Variants in JAK2 observed in about 807,000 individuals in gnomAD.
The protein encoded by JAK2 is Janus kinase 2.
JAK2 carries 86 observed loss-of-function variants against 139.3 expected under a neutral mutation model. The ratio of observed to expected loss-of-function variants is 0.62; its 90% confidence interval spans 0.52 to 0.74. The LOEUF (loss-of-function observed/expected upper bound fraction) is 0.74. Among genes scored for constraint, JAK2 ranks in the 30% least tolerant of loss-of-function variants. The pLI is 0.00. For synonymous variants in JAK2, 490 were observed against 437.7 expected (o/e 1.12, Z -1.49); for missense variants, 1,421 against 1,360.3 (o/e 1.04, Z -0.70).
chr9:5,094,676 AAG>A (rs1356744885), intron 22 of JAK2: 1 of 152,166 alleles, frequency 6.6e-6, no homozygotes, highest in African/African-American at 2.4e-5. Flanking sequence ...ACTTAACAGA[AAG>A]AGAATCAGAA....
chr9:5,079,856 G>A (rs1819563483), intron 16 of JAK2, among the ~76,000 whole-genome samples: 1 of 151,866 alleles, frequency 6.6e-6, no homozygotes. Flanking sequence ...TAAAACTAAT[G>A]GAAAGAGGTT....
chr9:5,045,441 C>G (rs962527556), intron 5 of JAK2, among the ~76,000 whole-genome samples: 75 of 152,228 alleles, frequency 4.9e-4, no homozygotes, highest in African/African-American at 1.6e-3. Context: ...ACCATTTTAA[C>G]CATTTTAAGT....
chr9:5,112,839 G>A, intron 22 of JAK2: 2 of 559,056 alleles, frequency 3.6e-6, no homozygotes, highest in Non-Finnish European at 5.7e-6. Context: ...AACCCCGCTG[G>A]GCACGTGTGA....
intron 19 of JAK2, chr9:5,085,623 G>T (rs1468388626): frequency 2.8e-6 from 2 of 708,484 alleles, no homozygotes; most frequent in Non-Finnish European, 5.3e-6. Flanking sequence ...CTCCAGCAAG[G>T]ACAGCCTTCT....
chr9:5,119,209 A>C (rs546572083), intron 22 of JAK2, among the ~76,000 whole-genome samples: 36 of 152,272 alleles, frequency 2.4e-4, no homozygotes, highest in African/African-American at 7.5e-4. Flanking sequence ...TTCTGGCAGA[A>C]AAACTCAGAC....
At chr9:5,033,065 C>T (rs1035432138) in intron 4 of JAK2, among the ~76,000 whole-genome samples, 2 of 152,124 alleles carry the variant, frequency 1.3e-5, no homozygotes, top group Non-Finnish European at 2.9e-5. Context: ...CCTGATGGAG[C>T]TGAAAACCAA....
chr9:5,098,696 C>CCTT (rs2130731816), intron 22 of JAK2: 1 of 151,418 alleles, frequency 6.6e-6, no homozygotes, highest in East Asian at 1.9e-4. Context: ...AGCTTCAATT[C>CCTT]CTTTTTTTTT....
intron 5 of JAK2, among the ~76,000 whole-genome samples, chr9:5,049,581 G>A (rs1468688513): frequency 1.3e-5 from 2 of 152,110 alleles, no homozygotes; most frequent in Admixed American, 6.5e-5. Context: ...CTTTTGTGTG[G>A]TGCTTCCTAT....
chr9:5,100,306 C>G (rs1276990988), intron 22 of JAK2: 1 of 152,194 alleles, frequency 6.6e-6, no homozygotes, highest in Non-Finnish European at 1.5e-5. Flanking sequence ...GCTCTCTCAG[C>G]TCTACTAATA....
At chr9:5,036,487 C>G (rs1369610999) in intron 4 of JAK2, among the ~76,000 whole-genome samples, 1 of 152,176 alleles carries the variant, frequency 6.6e-6, no homozygotes, top group African/African-American at 2.4e-5. Context: ...TACTACAAGG[C>G]TACAGTAACC....
intron 8 of JAK2, among the ~76,000 whole-genome samples, chr9:5,057,580 CTTTTTT>C (rs541931562): frequency 8.6e-6 from 1 of 116,794 alleles, no homozygotes; most frequent in Non-Finnish European, 1.7e-5. Context: ...ATTCTACTTT[CTTTTTT>C]TTTTTTTTTT....
intron 22 of JAK2, chr9:5,112,592 C>T (rs1372727963): frequency 3.9e-6 from 3 of 768,082 alleles, no homozygotes; most frequent in Admixed American, 2.5e-5. Flanking sequence ...TAAGAGGGCT[C>T]TTAAGGAGCT....
intron 3 of JAK2, among the ~76,000 whole-genome samples, chr9:5,027,450 T>G (rs1415094179): frequency 6.6e-6 from 1 of 152,152 alleles, no homozygotes; most frequent in Non-Finnish European, 1.5e-5. Context: ...AATCTTTTTG[T>G]TAGTGGAGAG....
chr9:5,080,121 A>G lies in JAK2; in HGVS notation c.2132-108A>G, dbSNP rs1819583978. 7 of 896,012 alleles carry G rather than the reference A, an allele frequency of 7.8e-6. No homozygotes were observed. In the Admixed American group the frequency reaches 1.8e-4, roughly 22 times the overall value. The allele number at this position is 896,012 out of a possible 1,614,324, so 55.5% of individuals were successfully genotyped here. The stretch of plus-strand genomic sequence containing the variant: ...CACATCCAACCCCTCCAAAATAAAG[A>G]AAATAGGCCTGATTATTCAAATGAT... On this transcript the variant is annotated intron_variant, in intron 16 of 24. Transcript: ENST00000381652.
Position 5,126,406 on chromosome 9 carries a change from A to C in JAK2, c.3251A>C (p.Asn1084Thr). 1 of 1,610,986 alleles carries C rather than the reference A, an allele frequency of 6.2e-7. No individual in the cohort carries two copies. Among genetic ancestry groups the C allele is most frequent in the Non-Finnish European group, 8.5e-7 (1 of 1,177,968 alleles). The change falls in exon 24 of 25, where the codon AAT becomes ACT. Residue 1084 changes from asparagine to threonine, a missense_variant. By Grantham distance (65) the Asn-to-Thr change is moderately conservative. Transcript: ENST00000381652. ...TTCCATTTGATAGAACTTTTGAAGA[A>C]TAATGGAAGATTACCAAGACCAGAT... ...IVFHLIELLKNNGRLPRPDGC... is the reference protein window; with the variant it reads ...IVFHLIELLKTNGRLPRPDGC...
intron 23 of JAK2, 109 bp from the exon 24 acceptor site, chr9:5,126,224 T>C: frequency 1.5e-6 from 1 of 671,934 alleles, no homozygotes; most frequent in Non-Finnish European, 2.5e-6. Context: ...TTTGAAAACA[T>C]ACAAAAGCAC....
intron 2 of JAK2, among the ~76,000 whole-genome samples, chr9:4,986,662 TG>T (rs1200380149): frequency 6.6e-6 from 1 of 152,200 alleles, no homozygotes; most frequent in Admixed American, 6.5e-5. Context: ...TTCTCCAGAA[TG>T]CTTGGGACCA....
chr9:5,086,667 C>A (rs1228775289), intron 19 of JAK2, among the ~76,000 whole-genome samples: 1 of 152,180 alleles, frequency 6.6e-6, no homozygotes, highest in Non-Finnish European at 1.5e-5. Context: ...ACTCTATAAT[C>A]CCATGTAATA....
intron 2 of JAK2, among the ~76,000 whole-genome samples, chr9:4,987,894 G>T (rs1018621902): frequency 2.0e-5 from 3 of 152,178 alleles, no homozygotes; most frequent in African/African-American, 7.2e-5. Flanking sequence ...CGGCTGGGAG[G>T]CAAAGGAGAT....
Sources: gnomAD v4.1 joint callset for allele counts (sites outside exome capture counted in the v4.1 genomes callset) on GRCh38, gnomAD v4.1.1 for gene constraint, MANE v1.5 for transcripts, NCBI Gene and HGNC (gene_info 2026-07-23, HGNC 2026-07-21) for gene names.